PPFIBP1: variants seen among roughly 807,000 people sequenced by gnomAD.
PPFIBP1 encodes liprin-beta-1.
In PPFIBP1, 112 loss-of-function variants were observed where a neutral mutation model predicts 137.8. The ratio of observed to expected loss-of-function variants is 0.81; its 90% CI spans 0.70 to 0.95. The LOEUF (loss-of-function observed/expected upper bound fraction) is 0.95, where lower values mean the gene tolerates loss of function less well. PPFIBP1 is among the 40% of genes least tolerant of loss of function. The pLI, the probability that PPFIBP1 is intolerant of heterozygous loss-of-function variation, is 0.00. For synonymous variants in PPFIBP1, 378 were observed against 417.3 expected (o/e 0.91, Z 1.15); for missense variants, 1,083 against 1,196.6 (o/e 0.91, Z 1.40).
At chr12:27,561,240 G>A (rs1174236152) in intron 1 of PPFIBP1, among the ~76,000 whole-genome samples, 1 of 152,158 alleles carries the variant, frequency 6.6e-6, no homozygotes, top group Non-Finnish European at 1.5e-5. Flanking sequence ...TGGTCTTTCT[G>A]TCTTCTTCAT....
intron 2 of PPFIBP1, among the ~76,000 whole-genome samples, chr12:27,620,680 C>T (rs1565884909): frequency 6.6e-6 from 1 of 151,930 alleles, no homozygotes; most frequent in African/African-American, 2.4e-5. Context: ...AGTTTGATCA[C>T]TTTCTGTGCC....
intron 1 of PPFIBP1, among the ~76,000 whole-genome samples, chr12:27,570,247 A>G (rs149649869): frequency 2.0e-5 from 3 of 152,172 alleles, no homozygotes; most frequent in Non-Finnish European, 4.4e-5. Context: ...TTTACATACT[A>G]TATAGTAATC....
chr12:27,675,684 T>C (rs1323148078), intron 17 of PPFIBP1, among the ~76,000 whole-genome samples: 3 of 152,310 alleles, frequency 2.0e-5, no homozygotes, highest in East Asian at 3.9e-4. Context: ...CAACTCAAGA[T>C]GGATTAAGAA....
intron 11 of PPFIBP1, 108 bp downstream of exon 11, chr12:27,661,053 C>T: frequency 6.9e-7 from 1 of 1,456,316 alleles, no homozygotes; most frequent in Non-Finnish European, 9.2e-7. Context: ...GCCCAGAACA[C>T]TGCTAGGAGT....
At chr12:27,648,106 T>C in intron 6 of PPFIBP1, 1 of 404,696 alleles carries the variant, frequency 2.5e-6, no homozygotes, top group East Asian at 3.6e-5. Context: ...GATGGTTTCC[T>C]CTCACCCATA....
intron 13 of PPFIBP1, among the ~76,000 whole-genome samples, chr12:27,670,081 G>A (rs2060090188): frequency 1.3e-5 from 2 of 152,060 alleles, no homozygotes; most frequent in South Asian, 2.1e-4. Flanking sequence ...ACTGTCACTG[G>A]TTGACTGGCA....
intron 1 of PPFIBP1, among the ~76,000 whole-genome samples, chr12:27,555,707 T>C (rs1322474455): frequency 6.6e-6 from 1 of 152,244 alleles, no homozygotes; most frequent in Non-Finnish European, 1.5e-5. Flanking sequence ...TTCTTTTATC[T>C]GTTAACAAGC....
intron 2 of PPFIBP1, chr12:27,593,305 C>T (rs991339693): frequency 4.7e-5 from 17 of 358,352 alleles, no homozygotes; most frequent in East Asian, 8.4e-5. Context: ...GGTATCACTT[C>T]GGGCCCCTTG....
chr12:27,637,215 A>G (rs904578158), intron 4 of PPFIBP1: 1 of 152,174 alleles, frequency 6.6e-6, no homozygotes, highest in Non-Finnish European at 1.5e-5. Flanking sequence ...CCCTTATTTT[A>G]AAAAAATTAC....
chr12:27,532,095 G>T (rs1170305874), intron 1 of PPFIBP1, among the ~76,000 whole-genome samples: 1 of 152,206 alleles, frequency 6.6e-6, no homozygotes, highest in Non-Finnish European at 1.5e-5. Context: ...GACATGCACT[G>T]CTTTGATGAC....
At chr12:27,595,886 A>C (rs56158331) in intron 2 of PPFIBP1, among the ~76,000 whole-genome samples, 209 of 102,468 alleles carry the variant, frequency 2.0e-3, no homozygotes, top group African/African-American at 5.8e-3. Context: ...ACAACAACAA[A>C]ATATATATAT....
At chr12:27,534,710 C>A (rs927945936) in intron 1 of PPFIBP1, among the ~76,000 whole-genome samples, 2 of 152,084 alleles carry the variant, frequency 1.3e-5, no homozygotes, top group African/African-American at 2.4e-5. Flanking sequence ...GGTTTTGGAG[C>A]CCACAGCTAG....
At position 27,647,738 on chromosome 12, in the gene PPFIBP1, T is replaced by C. The variant is rs1048245730; in HGVS notation, c.367T>C (p.Leu123=). Residue 123 remains leucine, a synonymous_variant, in exon 6 of 30, where the codon TTA becomes CTA. Transcript: ENST00000228425. Reference sequence around the variant, plus strand: ...TTTGCTCTAAATACAGGTAAGTGTGTTAACAGACCAGGTGGAGGCTCAGGG... The same window carrying C: ...TTTGCTCTAAATACAGGTAAGTGTGCTAACAGACCAGGTGGAGGCTCAGGG... ...KESLVLQVSV[L]TDQVEAQGEK... 1.2e-6 allele frequency: 2 copies of C among 1,603,154 alleles called. No individual in the cohort carries two copies. Among genetic ancestry groups the C allele is most frequent in the African/African-American group, 1.3e-5 (1 of 74,472 alleles).
At chr12:27,655,134 C>G in intron 8 of PPFIBP1, 1 of 1,512,920 alleles carries the variant, frequency 6.6e-7, no homozygotes, top group East Asian at 2.5e-5. Flanking sequence ...TCCTCTGTCT[C>G]TCTACCAGTC....
At chr12:27,630,030 A>T (rs1400821228) in intron 2 of PPFIBP1, among the ~76,000 whole-genome samples, 1 of 152,148 alleles carries the variant, frequency 6.6e-6, no homozygotes, top group Non-Finnish European at 1.5e-5. Flanking sequence ...GTTTTGTTCT[A>T]TAAATTGAAT....
chr12:27,616,310 A>ATTT (rs11370764), intron 2 of PPFIBP1, among the ~76,000 whole-genome samples: 130 of 143,596 alleles, frequency 9.1e-4, no homozygotes, highest in African/African-American at 2.6e-3. Context: ...TTGTTTGCAG[A>ATTT]TTTTTTTTTT....
intron 1 of PPFIBP1, among the ~76,000 whole-genome samples, chr12:27,528,577 C>G (rs1265028150): frequency 6.6e-6 from 1 of 152,106 alleles, no homozygotes; most frequent in Non-Finnish European, 1.5e-5. Context: ...CTACAAAATA[C>G]ATAGAATCTT....
chr12:27,663,353 CAA>C (rs932508817), intron 11 of PPFIBP1, among the ~76,000 whole-genome samples: 1 of 152,146 alleles, frequency 6.6e-6, no homozygotes, highest in African/African-American at 2.4e-5. Context: ...ATGGGAAAAG[CAA>C]AGAGGGTCAT....
intron 2 of PPFIBP1, among the ~76,000 whole-genome samples, chr12:27,591,807 A>G (rs1245789613): frequency 6.6e-6 from 1 of 152,222 alleles, no homozygotes; most frequent in Non-Finnish European, 1.5e-5. Flanking sequence ...AAGGCAACAC[A>G]TGCTAGAACC....
Sources: gnomAD v4.1 joint callset for allele counts (sites outside exome capture counted in the v4.1 genomes callset) on GRCh38, gnomAD v4.1.1 for gene constraint, MANE v1.5 for transcripts, NCBI Gene and HGNC (gene_info 2026-07-23, HGNC 2026-07-21) for gene names.